Variants in EXOC6 observed in about 807,000 individuals in gnomAD.
EXOC6 encodes SEC15-like 1.
A neutral mutation model predicts 112.5 loss-of-function variants in EXOC6; 60 were observed. The ratio of observed to expected loss-of-function variants is 0.53; its 90% CI spans 0.43 to 0.66. The LOEUF is 0.66. Ranked by LOEUF, EXOC6 falls within the 30% of genes least tolerant of loss-of-function variation. EXOC6 has a pLI of 0.00. For missense variants in EXOC6, 855 were observed against 957.1 expected, an observed-to-expected ratio of 0.89 and a Z score of 1.41; for synonymous variants, 295 against 308.0, an observed-to-expected ratio of 0.96 and a Z score of 0.44.
intron 20 of EXOC6, among the ~76,000 whole-genome samples, chr10:93,048,648 T>A (rs921816241): frequency 2.7e-5 from 4 of 149,184 alleles, no homozygotes; most frequent in Non-Finnish European, 4.4e-5. Flanking sequence ...CCCAGCTACT[T>A]GGGAGGCTGA....
At chr10:92,865,035 A>C (rs1194762341) in intron 1 of EXOC6, among the ~76,000 whole-genome samples, 1 of 152,162 alleles carries the variant, frequency 6.6e-6, no homozygotes, top group African/African-American at 2.4e-5. Flanking sequence ...CACATGAATC[A>C]ATCAATAAAT....
chr10:92,952,257 C>T lies in EXOC6; in HGVS notation c.1417-16C>T, dbSNP rs766238501. 2 of 1,497,994 alleles carry T rather than the reference C, an allele frequency of 1.3e-6. No individual in the cohort carries two copies. Among genetic ancestry groups the T allele is most frequent in the South Asian group, 1.2e-5 (1 of 83,290 alleles). The allele number at this position is 1,497,994 out of a possible 1,614,324, so 92.8% of individuals were successfully genotyped here. A position where few individuals can be genotyped will look rare whatever the true frequency, so the allele number is the denominator to read the frequency against. On this transcript the variant is annotated splice_polypyrimidine_tract_variant and intron_variant, in intron 14 of 21. Coordinates refer to ENST00000260762, the MANE Select transcript of EXOC6 (RefSeq NM_019053.6). ...TCTAAAATTTCAAAAACAATATTAA[C>T]TTTCTTTTTCTACAGCAGTCTTTCC...
At chr10:93,013,293 T>G (rs1734328294) in intron 19 of EXOC6, among the ~76,000 whole-genome samples, 1 of 151,734 alleles carries the variant, frequency 6.6e-6, no homozygotes, top group Non-Finnish European at 1.5e-5. Context: ...TTTTTTTAGT[T>G]GAGGCATGAA....
intron 1 of EXOC6, among the ~76,000 whole-genome samples, chr10:92,866,342 C>G (rs1848175334): frequency 6.6e-6 from 1 of 152,094 alleles, no homozygotes; most frequent in South Asian, 2.1e-4. Context: ...CACAAACATT[C>G]CTTTTATACC....
At chr10:92,906,734 AAT>A (rs1171721288) in intron 5 of EXOC6, among the ~76,000 whole-genome samples, 2 of 152,188 alleles carry the variant, frequency 1.3e-5, no homozygotes, top group Non-Finnish European at 2.9e-5. Context: ...TATATTGTTG[AAT>A]AGAGTATGAG....
At chr10:92,837,992 T>C (rs1435474765) in intron 1 of EXOC6, among the ~76,000 whole-genome samples, 1 of 152,194 alleles carries the variant, frequency 6.6e-6, no homozygotes, top group Non-Finnish European at 1.5e-5. Flanking sequence ...CACCTTGTTT[T>C]GCAGGTAGGC....
chr10:92,893,972 C>T (rs1849629138), intron 2 of EXOC6, among the ~76,000 whole-genome samples: 1 of 152,156 alleles, frequency 6.6e-6, no homozygotes, highest in South Asian at 2.1e-4. Context: ...AGTTGGTCTA[C>T]ACTTTCTGCC....
At chr10:92,933,618 A>G (rs1271757472) in intron 9 of EXOC6, among the ~76,000 whole-genome samples, 2 of 152,236 alleles carry the variant, frequency 1.3e-5, no homozygotes, top group Non-Finnish European at 2.9e-5. Flanking sequence ...GAAATATTTC[A>G]TGTAATAAAC....
At chr10:92,901,839 A>G (rs1850189469) in intron 5 of EXOC6, 1 of 149,714 alleles carries the variant, frequency 6.7e-6, no homozygotes, top group Admixed American at 6.7e-5. Flanking sequence ...CTCTACTGAA[A>G]AAAAAAAAAA....
upstream of EXOC6, chr10:92,834,670 T>TA (rs397937975): frequency 3.9e-6 from 5 of 1,267,886 alleles, no homozygotes; most frequent in Admixed American, 1.1e-4. Context: ...TTTTTTTTTT[T>TA]ATAAATTACA....
chr10:92,934,161 C>A lies in EXOC6; in HGVS notation c.990C>A (p.Gly330=), dbSNP rs772424640. The A allele has an allele frequency of 2.6e-6, 4 of 1,538,882 alleles. No individual in the cohort carries two copies. Among genetic ancestry groups the A allele is most frequent in the Non-Finnish European group, 3.6e-6 (4 of 1,122,172 alleles). Residue 330 remains glycine (G), a synonymous_variant, in exon 10 of 22, where the codon GGC becomes GGA. Transcript: ENST00000260762. ...ATTTTAAGCATGAAACAGTTGATGGCTATAGAAGATATTTCACTCAAATTG... is the reference window on the plus strand; with the variant it reads ...ATTTTAAGCATGAAACAGTTGATGGATATAGAAGATATTTCACTCAAATTG... ...PQSNMHETVD[G]YRRYFTQIVG... is the part of the protein sequence containing the mutation.
intron 20 of EXOC6, among the ~76,000 whole-genome samples, chr10:93,015,830 A>G (rs17093824): frequency 0.03 from 4,492 of 152,230 alleles, 174 homozygotes; most frequent in East Asian, 0.14. Flanking sequence ...TCTCCAAATT[A>G]TGTCTGTAAA....
intron 20 of EXOC6, among the ~76,000 whole-genome samples, chr10:93,043,120 A>G (rs1352127199): frequency 6.6e-6 from 1 of 151,968 alleles, no homozygotes; most frequent in Non-Finnish European, 1.5e-5. Context: ...TATTTTTAGT[A>G]GAGACGGGGT....
chr10:92,911,356 A>G (rs1020493530), intron 6 of EXOC6, among the ~76,000 whole-genome samples: 1 of 152,182 alleles, frequency 6.6e-6, no homozygotes, highest in Non-Finnish European at 1.5e-5. Context: ...TTTCAATACT[A>G]TTTCTCCTAC....
In EXOC6 at chr10:92,915,391, A is replaced by G. The variant is rs565818261; in HGVS notation, c.664-367A>G. Among the ~76,000 whole-genome samples the G allele has an allele frequency of 6.0e-5, 9 of 150,548 alleles. No homozygotes were observed. The South Asian group carries it at 1.3e-3, about 21-fold the overall frequency. ...CCCCATTTTACAAAAAAATACAAAA[A>G]CAAAAAAAACAAAAAAACAAAGAAA... On this transcript the variant is annotated intron_variant, in intron 6 of 21. Coordinates refer to ENST00000260762, the MANE Select transcript of EXOC6 (RefSeq NM_019053.6).
chr10:92,982,943 TTTAA>T (rs748449808), intron 18 of EXOC6, among the ~76,000 whole-genome samples: 7 of 152,256 alleles, frequency 4.6e-5, no homozygotes, highest in Admixed American at 2.6e-4. Flanking sequence ...ATATGCTTTC[TTTAA>T]TTGAGAAACA....
Position 92,916,665 on chromosome 10 carries a change from C to T in EXOC6, c.819+752C>T, listed in dbSNP as rs184900568. Among the ~76,000 whole-genome samples, 29 of 152,334 alleles carry T rather than the reference C, an allele frequency of 1.9e-4. 1 individual carries two copies. In the East Asian group the frequency reaches 4.1e-3, roughly 21 times the overall value. On this transcript the variant is annotated intron_variant, in intron 7 of 21. Transcript: ENST00000260762. ...CAATTTGCATAACAATCTGTCTCCCCGGTAAAACCCTAACCTCCTTTGTTC... is the reference window on the plus strand; with the variant it reads ...CAATTTGCATAACAATCTGTCTCCCTGGTAAAACCCTAACCTCCTTTGTTC...
At chr10:92,883,239 G>A (rs1385556061) in intron 1 of EXOC6, among the ~76,000 whole-genome samples, 1 of 152,154 alleles carries the variant, frequency 6.6e-6, no homozygotes, top group Non-Finnish European at 1.5e-5. Flanking sequence ...TCTATATTTT[G>A]AAATCATTTT....
intron 18 of EXOC6, among the ~76,000 whole-genome samples, chr10:92,978,332 C>G (rs551092953): frequency 6.6e-6 from 1 of 151,832 alleles, no homozygotes; most frequent in East Asian, 1.9e-4. Context: ...ATGGCTTGAG[C>G]GTGGGAGGTG....
Sources: gnomAD v4.1 joint callset for allele counts (sites outside exome capture counted in the v4.1 genomes callset) on GRCh38, gnomAD v4.1.1 for gene constraint, MANE v1.5 for transcripts, NCBI Gene and HGNC (gene_info 2026-07-23, HGNC 2026-07-21) for gene names.